Variants in CFI observed in about 807,000 individuals in gnomAD.
CFI encodes C3B/C4B inactivator.
Under a neutral mutation model 78.8 loss-of-function variants are expected in CFI, and 66 were observed. The observed-to-expected ratio is 0.84, with a 90% CI of 0.69 to 1.03. The LOEUF is 1.03. CFI is among the 50% of genes least tolerant of loss of function. The pLI, the probability that CFI is intolerant of heterozygous loss-of-function variation, is 0.00. For missense variants in CFI, 706 were observed against 704.5 expected, an observed-to-expected ratio of 1.00 and a Z score of -0.02; for synonymous variants, 250 against 232.6, an observed-to-expected ratio of 1.07 and a Z score of -0.68.
intron 6 of CFI, among the ~76,000 whole-genome samples, chr4:109,758,418 A>T (rs1726590547): frequency 6.6e-6 from 1 of 152,146 alleles, no homozygotes; most frequent in Non-Finnish European, 1.5e-5. Context: ...ATGGAAGCAA[A>T]GAGTCAGTCT....
intron 7 of CFI, among the ~76,000 whole-genome samples, chr4:109,755,523 T>C (rs1016995729): frequency 7.9e-5 from 12 of 152,156 alleles, no homozygotes; most frequent in African/African-American, 2.9e-4. Context: ...CCCTCATTAA[T>C]AGATTAATGT....
chr4:109,756,893 GAAAGAAAGAAAGAAAGAAAGAAA>G (rs1726255970), intron 7 of CFI, among the ~76,000 whole-genome samples: 3 of 13,758 alleles, frequency 2.2e-4, no homozygotes, highest in Non-Finnish European at 4.9e-4. Flanking sequence ...AGAAAGGAAA[GAAAGAAAGAAAGAAAGAAAGAAA>G]GAAAGAAAGA....
intron 1 of CFI, among the ~76,000 whole-genome samples, chr4:109,774,301 G>T (rs996413337): frequency 3.9e-5 from 6 of 152,190 alleles, no homozygotes; most frequent in Non-Finnish European, 5.9e-5. Context: ...GGGTAAGAAA[G>T]ATACAGAATA....
chr4:109,776,107 G>T (rs1209161227), intron 1 of CFI, among the ~76,000 whole-genome samples: 1 of 152,166 alleles, frequency 6.6e-6, no homozygotes, highest in Non-Finnish European at 1.5e-5. Flanking sequence ...AACAAAGCTG[G>T]ATGGAGAATG....
At chr4:109,750,961 C>T (rs1466390238) in intron 8 of CFI, among the ~76,000 whole-genome samples, 2 of 152,152 alleles carry the variant, frequency 1.3e-5, no homozygotes, top group South Asian at 2.1e-4. Context: ...TGGCAAATTC[C>T]TACCCATTAG....
chr4:109,760,113 G>A (rs1195723359), intron 6 of CFI, 157 bp downstream of exon 6: 1 of 705,712 alleles, frequency 1.4e-6, no homozygotes, highest in African/African-American at 1.7e-5. Flanking sequence ...ATGAAAATAT[G>A]AGGAGATGAA....
At chr4:109,765,637 G>C (rs1426748483) in intron 2 of CFI, among the ~76,000 whole-genome samples, 1 of 152,166 alleles carries the variant, frequency 6.6e-6, no homozygotes, top group Non-Finnish European at 1.5e-5. Flanking sequence ...CTGAATGCTA[G>C]GGCCCCAGCC....
intron 1 of CFI, among the ~76,000 whole-genome samples, chr4:109,782,811 G>A (rs891503203): frequency 2.0e-5 from 3 of 152,028 alleles, no homozygotes; most frequent in African/African-American, 7.2e-5. Context: ...AAACAGTGTC[G>A]TACTGGTATA....
chr4:109,772,885 G>C (rs1369743650), intron 1 of CFI, among the ~76,000 whole-genome samples: 4 of 152,084 alleles, frequency 2.6e-5, no homozygotes, highest in African/African-American at 4.8e-5. Flanking sequence ...TGCCTAACCT[G>C]AGAGTCTTTT....
downstream of CFI, among the ~76,000 whole-genome samples, chr4:109,736,818 G>A (rs959914072): frequency 4.6e-5 from 7 of 151,974 alleles, no homozygotes; most frequent in Admixed American, 2.0e-4. Flanking sequence ...TTCCTATCAC[G>A]TACTGTACAC....
chr4:109,793,975 A>G (rs1342706542), intron 1 of CFI: 2 of 152,250 alleles, frequency 1.3e-5, no homozygotes, highest in East Asian at 3.8e-4. Flanking sequence ...TACTTTCAAC[A>G]AATAAAATTT....
Position 109,796,903 on chromosome 4 carries a change from C to T in CFI, c.57+5012G>A, listed in dbSNP as rs192137871. ...AACTCATACCCTGAAGACTGTAAAA[C>T]ACTGATGAAAGAAATTAAAGTAGGC... On this transcript the variant is annotated intron_variant, in intron 1 of 12. Coordinates refer to ENST00000394634, the MANE Select transcript of CFI (RefSeq NM_000204.5). 3.3e-5 allele frequency among the ~76,000 whole-genome samples: 5 copies of T among 152,280 alleles called. No individual in the cohort carries two copies. The East Asian group carries it at 7.7e-4, about 23-fold the overall frequency.
At chr4:109,784,240 T>C (rs1030931688) in intron 1 of CFI, among the ~76,000 whole-genome samples, 3 of 152,064 alleles carry the variant, frequency 2.0e-5, no homozygotes, top group Non-Finnish European at 4.4e-5. Context: ...TACTTCCCCA[T>C]TGTGACTTTG....
chr4:109,742,262 A>G, intron 12 of CFI: 1 of 516,480 alleles, frequency 1.9e-6, no homozygotes. Flanking sequence ...GCTCTTAGTC[A>G]CCTTGCTGTG....
chr4:109,751,760 C>T (rs1725169702), intron 8 of CFI, among the ~76,000 whole-genome samples: 1 of 152,074 alleles, frequency 6.6e-6, no homozygotes, highest in South Asian at 2.1e-4. Flanking sequence ...TTACTCATTG[C>T]CTGATTTTTA....
In CFI at chr4:109,780,332, C is replaced by T. The variant is rs538125391; in HGVS notation, c.58-13508G>A. 2.0e-4 allele frequency among the ~76,000 whole-genome samples: 30 copies of T among 152,150 alleles called. No homozygotes were observed. The South Asian group carries it at 5.6e-3, about 28-fold the overall frequency. On this transcript the variant is annotated intron_variant, in intron 1 of 12. Transcript: ENST00000394634. ...TAAAAAAACCCCATCAAAAAGTGGTCGAAGGATATGAAGAGACACTTCTCA... is the reference window on the plus strand; with the variant it reads ...TAAAAAAACCCCATCAAAAAGTGGTTGAAGGATATGAAGAGACACTTCTCA...
intron 6 of CFI, 145 bp from the exon 7 acceptor site, chr4:109,757,928 T>C (rs1407485208): frequency 2.1e-6 from 3 of 1,448,594 alleles, no homozygotes; most frequent in Non-Finnish European, 2.8e-6. Context: ...ATTATAAAAA[T>C]GATTTACCTT....
chr4:109,784,398 T>C (rs1380782512), intron 1 of CFI, among the ~76,000 whole-genome samples: 3 of 151,816 alleles, frequency 2.0e-5, no homozygotes, highest in Non-Finnish European at 4.4e-5. Flanking sequence ...TGGAGGAGGG[T>C]ATAGGGTTAA....
At chr4:109,772,346 A>C (rs1278795822) in intron 1 of CFI, among the ~76,000 whole-genome samples, 3 of 152,272 alleles carry the variant, frequency 2.0e-5, no homozygotes, top group South Asian at 4.1e-4. Context: ...ATGCATGTGT[A>C]CACCAGGCTT....
Sources: allele counts gnomAD v4.1 joint callset (sites outside exome capture counted in the v4.1 genomes callset), GRCh38; gene constraint gnomAD v4.1.1; transcripts MANE v1.5; gene names NCBI Gene and HGNC (gene_info 2026-07-23, HGNC 2026-07-21).